The following PRDM2 variants were observed in gnomAD, a reference collection of about 807,000 sequenced individuals.
PRDM2 encodes the protein PR/SET domain 2.
PRDM2 carries 30 observed loss-of-function variants against 130.0 expected under a neutral mutation model. The ratio of observed to expected loss-of-function variants is 0.23; its 90% confidence interval spans 0.17 to 0.31. The LOEUF is 0.31. Ranked by LOEUF, PRDM2 falls within the 10% of genes least tolerant of loss-of-function variation. The probability of loss-of-function intolerance (pLI) is 1.00; values close to 1 mark genes in which losing one functional copy is unlikely to be tolerated. For synonymous variants in PRDM2, 871 were observed against 782.4 expected, an observed-to-expected ratio of 1.11 and a Z score of -1.89; for missense variants, 2,011 against 2,108.4, an observed-to-expected ratio of 0.95 and a Z score of 0.90.
At chr1:13,797,404 G>A (rs1013272278) in intron 8 of PRDM2, among the ~76,000 whole-genome samples, 1 of 152,224 alleles carries the variant, frequency 6.6e-6, no homozygotes, top group African/African-American at 2.4e-5. Flanking sequence ...AGGCCTCAAT[G>A]AACTGGTGTC....
chr1:13,779,824 G>A lies in PRDM2; in HGVS notation c.2029G>A (p.Val677Met), dbSNP rs763789589. The A allele has an allele frequency of 1.2e-6, 2 of 1,614,202 alleles. No individual in the cohort carries two copies. The highest frequency in any genetic ancestry group is 1.3e-5 in the African/African-American group (1 of 75,042). ...TCTTAGCATATCAACAACAGAGGCAGTGTCTTTCCACAAAGAGAAAAGTGT... is the reference window on the plus strand; with the variant it reads ...TCTTAGCATATCAACAACAGAGGCAATGTCTTTCCACAAAGAGAAAAGTGT... ...LPLSISTTEA[V>M]SFHKEKSVYL... The change falls in exon 8 of 10, where the codon GTG becomes ATG. Residue 677 changes from valine to methionine, a missense_variant. Val to Met is a conservative substitution (Grantham distance 21). This residue lies in a region of PRDM2 where 1,288 missense variants were observed against 1,237.7 expected (regional missense o/e 1.04). Coordinates refer to ENST00000311066, the MANE Select transcript of PRDM2 (RefSeq NM_001393986.1). The surrounding 1 kb of genome is among the most constrained non-coding windows in gnomAD (Gnocchi z 4.9).
At chr1:13,804,094 G>A (rs551479522) in intron 8 of PRDM2, among the ~76,000 whole-genome samples, 3 of 152,238 alleles carry the variant, frequency 2.0e-5, no homozygotes, top group African/African-American at 7.2e-5. Flanking sequence ...ACCTCTCTGT[G>A]TTGCTGTCCC....
chr1:13,704,153 G>A (rs1029188744), intron 1 of PRDM2, among the ~76,000 whole-genome samples: 3 of 152,178 alleles, frequency 2.0e-5, no homozygotes, highest in African/African-American at 7.2e-5. Context: ...AAAGAGATGT[G>A]CTTTTGGAGC....
intron 9 of PRDM2, 25 bp downstream of exon 9, chr1:13,816,595 C>T (rs769130105): frequency 3.1e-6 from 5 of 1,612,636 alleles, no homozygotes; most frequent in East Asian, 4.5e-5. Context: ...GGAACAGCTT[C>T]TGGCACTGTT....
At chr1:13,756,047 C>T (rs1164170405) in intron 6 of PRDM2, among the ~76,000 whole-genome samples, 5 of 148,810 alleles carry the variant, frequency 3.4e-5, no homozygotes, top group Non-Finnish European at 5.9e-5. Flanking sequence ...GTCAGGAGAT[C>T]GAGACCATCC....
rs778937577 is a variant in PRDM2, at chr1:13,823,222, C to A, written c.*87C>A. 2.3e-5 allele frequency: 37 copies of A among 1,606,188 alleles called. No individual in the cohort carries two copies. Among genetic ancestry groups the A allele is most frequent in the Middle Eastern group, 1.6e-4 (1 of 6,072 alleles). On this transcript the variant is annotated 3_prime_UTR_variant, in exon 10 of 10. Transcript: ENST00000311066. The stretch of plus-strand genomic sequence containing the variant: ...TGGCAGTCTGCCCTGCAGGGAGTAC[C>A]GACCTATCCCAGTTGTGTGAGGCTG...
intron 1 of PRDM2, among the ~76,000 whole-genome samples, chr1:13,711,497 C>T (rs868626599): frequency 7.2e-5 from 11 of 152,108 alleles, no homozygotes; most frequent in Non-Finnish European, 5.9e-5. Flanking sequence ...GAGGCACTGC[C>T]AGTGTTGATT....
intron 1 of PRDM2, among the ~76,000 whole-genome samples, chr1:13,705,800 G>A (rs555895118): frequency 9.9e-5 from 15 of 151,966 alleles, no homozygotes; most frequent in African/African-American, 3.6e-4. Flanking sequence ...TGGCCAACAT[G>A]GTGAAACCCC....
Position 13,749,399 on chromosome 1 carries a change from TG to T in PRDM2, c.427del (p.Glu143LysfsTer6). 2.0e-6 allele frequency: 3 copies of T among 1,499,862 alleles called. No individual in the cohort carries two copies. Among genetic ancestry groups the T allele is most frequent in the Non-Finnish European group, 1.8e-6 (2 of 1,110,224 alleles). 92.9% of individuals were successfully genotyped at this position (1,499,862 alleles called of 1,614,324 possible). On this transcript the variant is annotated frameshift_variant, in exon 6 of 10. Coordinates refer to ENST00000311066, the MANE Select transcript of PRDM2 (RefSeq NM_001393986.1). LOFTEE classifies it high-confidence loss of function. ...PGEELLVWYN[G>X]EDNPEIAAAI... ...GCGAGGAGCTCCTGGTCTGGTACAA[TG>T]GGGAAGACAACCCTGAGATAGCAGC...
intron 8 of PRDM2, among the ~76,000 whole-genome samples, chr1:13,804,899 C>T (rs1270140858): frequency 6.6e-6 from 1 of 152,178 alleles, no homozygotes; most frequent in Admixed American, 6.5e-5. Context: ...AGGCTCACCC[C>T]CACCTGGCTT....
chr1:13,719,511 A>G (rs1243995582), intron 2 of PRDM2, among the ~76,000 whole-genome samples: 1 of 152,214 alleles, frequency 6.6e-6, no homozygotes, highest in Non-Finnish European at 1.5e-5. Flanking sequence ...CTGGATTGTA[A>G]GGGAGCAAGA....
chr1:13,809,524 G>A (rs1055837486), intron 8 of PRDM2, among the ~76,000 whole-genome samples: 10 of 152,188 alleles, frequency 6.6e-5, no homozygotes, highest in African/African-American at 2.2e-4. Flanking sequence ...AGTGGCAGGC[G>A]TGAGGTGGGG....
intron 1 of PRDM2, among the ~76,000 whole-genome samples, chr1:13,710,763 G>A (rs1290426593): frequency 6.6e-6 from 1 of 152,184 alleles, no homozygotes; most frequent in Non-Finnish European, 1.5e-5. Context: ...TGTTAGCAAA[G>A]CAGAGGCACT....
At chr1:13,796,587 C>T (rs373382668) in intron 8 of PRDM2, among the ~76,000 whole-genome samples, 119 of 152,162 alleles carry the variant, frequency 7.8e-4, no homozygotes, top group African/African-American at 2.7e-3. Context: ...GAGACCCCAT[C>T]TCTACAAGAA....
intron 8 of PRDM2, chr1:13,788,075 A>C: frequency 1.2e-5 from 12 of 975,724 alleles, no homozygotes; most frequent in Non-Finnish European, 1.5e-5. Flanking sequence ...AAAACTTTCT[A>C]AACATCTGTG....
chr1:13,708,408 A>G (rs1299436331), intron 1 of PRDM2, among the ~76,000 whole-genome samples: 1 of 152,220 alleles, frequency 6.6e-6, no homozygotes, highest in Non-Finnish European at 1.5e-5. Context: ...AGCTTGAATC[A>G]GTCTCATTTT....
chr1:13,738,280 C>T (rs1018112756), intron 4 of PRDM2, among the ~76,000 whole-genome samples: 14 of 152,038 alleles, frequency 9.2e-5, no homozygotes, highest in African/African-American at 3.1e-4. Context: ...GAATCTCCCC[C>T]GAAAGTACAC....
intron 7 of PRDM2, among the ~76,000 whole-genome samples, chr1:13,776,557 T>G (rs1283000456): frequency 6.6e-6 from 1 of 152,194 alleles, no homozygotes; most frequent in African/African-American, 2.4e-5. Flanking sequence ...GAGTTGCTAA[T>G]AGTCTCCCTG....
At chr1:13,788,997 C>G (rs1029217804) in intron 8 of PRDM2, among the ~76,000 whole-genome samples, 15 of 152,154 alleles carry the variant, frequency 9.9e-5, no homozygotes, top group African/African-American at 3.1e-4. Flanking sequence ...ATCTTTTCTC[C>G]TGGATCAAGA....
Sources: allele counts gnomAD v4.1 joint callset (sites outside exome capture counted in the v4.1 genomes callset), GRCh38; gene constraint gnomAD v4.1.1; regional missense constraint gnomAD v4.1.1; non-coding constraint Gnocchi (gnomAD v3.1); transcripts MANE v1.5; gene names NCBI Gene and HGNC (gene_info 2026-07-23, HGNC 2026-07-21).